Variants in DFFA observed in about 807,000 individuals in gnomAD.
The protein encoded by DFFA is DNA fragmentation factor subunit alpha.
In DFFA, 14 loss-of-function variants were observed where a neutral mutation model predicts 28.0. The ratio of observed to expected loss-of-function variants is 0.50; its 90% CI spans 0.33 to 0.78. The LOEUF is 0.78. Ranked by LOEUF, DFFA falls within the 30% of genes least tolerant of loss-of-function variation. The pLI is 0.02. For missense variants in DFFA, 395 were observed against 407.1 expected (o/e 0.97, Z 0.26); for synonymous variants, 158 against 170.3 (o/e 0.93, Z 0.56).
Position 10,472,056 on chromosome 1 carries a change from A to C in DFFA, c.136+267T>G, listed in dbSNP as rs959195572. The stretch of plus-strand genomic sequence containing the variant: ...TTTGGTCCAACATCGAAGTGATTTC[A>C]GGCAAGAGACCTAAGCCGAGTCTGG... On this transcript the variant is annotated intron_variant, in intron 1 of 5. Coordinates refer to ENST00000377038, the MANE Select transcript of DFFA (RefSeq NM_004401.3). This position sits in a 1 kb window ranked among gnomAD's most constrained non-coding sequence, Gnocchi z 5.0. Among the ~76,000 whole-genome samples, 5 of 152,072 alleles carry C rather than the reference A, an allele frequency of 3.3e-5. No individual in the cohort carries two copies. Among genetic ancestry groups the C allele is most frequent in the Admixed American group, 6.6e-5 (1 of 15,246 alleles).
chr1:10,460,229 AGT>A lies in DFFA; in HGVS notation c.*1259_*1260del, dbSNP rs748227270. 2 of 151,644 alleles carry A rather than the reference AGT, an allele frequency of 1.3e-5. No homozygotes were observed. Among genetic ancestry groups the A allele is most frequent in the African/African-American group, 2.4e-5 (1 of 41,272 alleles). 9.4% of individuals were successfully genotyped at this position (151,644 alleles called of 1,614,324 possible). A position where few individuals can be genotyped will look rare whatever the true frequency, so the allele number is the denominator to read the frequency against. ...CACTGCACTCCAGACTAGGTGACAG[AGT>A]GAGACTCTGTCTCAAAAAAACAAAA... On this transcript the variant is annotated 3_prime_UTR_variant, in exon 6 of 6. Transcript: ENST00000377038.
intron 2 of DFFA, among the ~76,000 whole-genome samples, chr1:10,467,976 G>A (rs1254329915): frequency 6.6e-6 from 1 of 152,138 alleles, no homozygotes; most frequent in Non-Finnish European, 1.5e-5. Flanking sequence ...GGTCATTTGT[G>A]CCAGCATTTC....
At chr1:10,465,418 G>A (rs1041714772) in intron 3 of DFFA, among the ~76,000 whole-genome samples, 5 of 151,714 alleles carry the variant, frequency 3.3e-5, no homozygotes, top group East Asian at 1.9e-4. Context: ...GGTGCTTGCC[G>A]CCACGCCTGG....
Position 10,461,504 on chromosome 1 carries a change from G to A in DFFA, c.982C>T (p.Gln328Ter), listed in dbSNP as rs760010253. ...GDLQNPKRAR[Q>*]DPT is the part of the protein sequence containing the mutation. Reference sequence around the variant, plus strand: ...TCCCGCTGCTGCTATGTGGGATCCTGTCTGGCTCGCTTAGGATTCTGCAGG... The same window carrying A: ...TCCCGCTGCTGCTATGTGGGATCCTATCTGGCTCGCTTAGGATTCTGCAGG... Residue 328 changes from glutamine to a stop codon, truncating the protein, a stop_gained, in exon 6 of 6, where the codon CAG becomes TAG. Transcript: ENST00000377038. LOFTEE classifies it high-confidence loss of function. The A allele has an allele frequency of 1.2e-6, 2 of 1,613,884 alleles. No homozygotes were observed. The highest frequency in any genetic ancestry group is 1.3e-5 in the African/African-American group (1 of 74,934).
rs1403783857 is a variant in DFFA, at chr1:10,459,837, C to CA, written c.*1652_*1653insT. 18 of 152,064 alleles carry CA rather than the reference C, an allele frequency of 1.2e-4. No homozygotes were observed. The Middle Eastern group carries it at 0.014, about 115-fold the overall frequency. The allele number at this position is 152,064 out of a possible 1,614,324, so 9.4% of individuals were successfully genotyped here. A position where few individuals can be genotyped will look rare whatever the true frequency, so the allele number is the denominator to read the frequency against. On this transcript the variant is annotated 3_prime_UTR_variant, in exon 6 of 6. Transcript: ENST00000377038. The stretch of plus-strand genomic sequence containing the variant: ...TCAAGTGATACTCTCGCCTTAGCCT[C>CA]CAGAGTAGCTAGGATTATAGGTCAG...
chr1:10,468,684 T>G (rs1641053167), intron 2 of DFFA, among the ~76,000 whole-genome samples: 1 of 151,794 alleles, frequency 6.6e-6, no homozygotes, highest in Non-Finnish European at 1.5e-5. Flanking sequence ...CAGGCTGCAT[T>G]TCAGTTGCTG....
At chr1:10,465,511 T>C (rs1360216216) in intron 3 of DFFA, among the ~76,000 whole-genome samples, 1 of 151,782 alleles carries the variant, frequency 6.6e-6, no homozygotes, top group Admixed American at 6.6e-5. Flanking sequence ...TGATCCACCC[T>C]CCTCAGCCTC....
Position 10,463,488 on chromosome 1 carries a change from G to T in DFFA, c.574C>A (p.Leu192Met). ...TCCAAAGCCTGGAGGTACAGCTGCAGGAGCTGCTTGGACTGACGCACTTCC... is the reference window on the plus strand; with the variant it reads ...TCCAAAGCCTGGAGGTACAGCTGCATGAGCTGCTTGGACTGACGCACTTCC... ...REEVRQSKQL[L>M]QLYLQALEKE... The change falls in exon 4 of 6, where the codon CTG becomes ATG. Residue 192 changes from leucine to methionine, a missense_variant. Physicochemically the swap from Leu to Met is conservative, Grantham distance 15. Transcript: ENST00000377038. 1 of 1,614,120 alleles carries T rather than the reference G, an allele frequency of 6.2e-7. No homozygotes were observed. The highest frequency in any genetic ancestry group is 1.1e-5 in the South Asian group (1 of 91,082).
chr1:10,456,701 AG>A lies in DFFA; in HGVS notation c.*4788del, dbSNP rs1231349744. ...TTTACCCAGAAATTAAAGGTTGGTAAGTGGTAATTAGCGTAGCTCCTGTCAA... is the reference window on the plus strand; with the variant it reads ...TTTACCCAGAAATTAAAGGTTGGTAATGGTAATTAGCGTAGCTCCTGTCAA... On this transcript the variant is annotated 3_prime_UTR_variant, in exon 6 of 6. Coordinates refer to ENST00000377038, the MANE Select transcript of DFFA (RefSeq NM_004401.3). 2 of 152,298 alleles carry A rather than the reference AG, an allele frequency of 1.3e-5. No individual in the cohort carries two copies. The highest frequency in any genetic ancestry group is 3.9e-4 in the East Asian group (2 of 5,190). 9.4% of individuals were successfully genotyped at this position (152,298 alleles called of 1,614,324 possible). A position where few individuals can be genotyped will look rare whatever the true frequency, so the allele number is the denominator to read the frequency against.
chr1:10,458,046 G>A lies in DFFA; in HGVS notation c.*3444C>T, dbSNP rs1385415979. 3 of 152,050 alleles carry A rather than the reference G, an allele frequency of 2.0e-5. No individual in the cohort carries two copies. The East Asian group carries it at 5.8e-4, about 29-fold the overall frequency. The allele number at this position is 152,050 out of a possible 1,614,324, so 9.4% of individuals were successfully genotyped here. On this transcript the variant is annotated 3_prime_UTR_variant, in exon 6 of 6. Coordinates refer to ENST00000377038, the MANE Select transcript of DFFA (RefSeq NM_004401.3). The stretch of plus-strand genomic sequence containing the variant: ...GTTTTAATGTACCCTGGATTTCCTA[G>A]GAATGTAGCTACTCTGTAAATCAAG...
intron 2 of DFFA, 116 bp from the exon 3 acceptor site, chr1:10,467,448 A>T: frequency 8.8e-7 from 1 of 1,136,636 alleles, no homozygotes; most frequent in Non-Finnish European, 1.3e-6. Flanking sequence ...GGAAAGAAGC[A>T]TCTTATCTCA....
rs774251160 is a variant in DFFA at position 10,463,393 on chromosome 1, T to G, written c.631+38A>C. The stretch of plus-strand genomic sequence containing the variant: ...TCCCAAGGGACGCCTCCATCAGCCC[T>G]GAATTCTCAGAGTGACTCTGCCTGC... On this transcript the variant is annotated intron_variant, in intron 4 of 5. Transcript: ENST00000377038. 7.0e-6 allele frequency: 11 copies of G among 1,582,370 alleles called. No individual in the cohort carries two copies. In the East Asian group the frequency reaches 2.5e-4, roughly 35 times the overall value.
chr1:10,461,795 G>A, intron 5 of DFFA, 93 bp from the exon 6 acceptor site: 2 of 1,545,936 alleles, frequency 1.3e-6, no homozygotes, highest in Admixed American at 2.0e-5. Flanking sequence ...CAATGAGGCA[G>A]TATCCGTTTA....
chr1:10,472,281 G>A lies in DFFA; in HGVS notation c.136+42C>T. The stretch of plus-strand genomic sequence containing the variant: ...CGCCCCCGCCGGACGTCCTCACCCG[G>A]CCCTGGCTCCCCCACACCCTCGCCC... On this transcript the variant is annotated intron_variant, in intron 1 of 5. Coordinates refer to ENST00000377038, the MANE Select transcript of DFFA (RefSeq NM_004401.3). The surrounding 1 kb of genome is among the most constrained non-coding windows in gnomAD (Gnocchi z 5.0). 1 of 1,530,834 alleles carries A rather than the reference G, an allele frequency of 6.5e-7. No homozygotes were observed. Among genetic ancestry groups the A allele is most frequent in the Non-Finnish European group, 8.8e-7 (1 of 1,133,170 alleles). The allele number at this position is 1,530,834 out of a possible 1,614,324, so 94.8% of individuals were successfully genotyped here.
intron 1 of DFFA, 23 bp from the exon 2 acceptor site, chr1:10,469,361 C>T: frequency 1.2e-6 from 2 of 1,610,674 alleles, no homozygotes; most frequent in Non-Finnish European, 1.7e-6. Context: ...AAATATTTGG[C>T]AAATGACAAA....
Position 10,459,727 on chromosome 1 carries a change from TTTA to T in DFFA, c.*1760_*1762del, listed in dbSNP as rs1449541833. The T allele has an allele frequency of 6.7e-6, 1 of 149,398 alleles. No homozygotes were observed. Among genetic ancestry groups the T allele is most frequent in the Non-Finnish European group, 1.5e-5 (1 of 67,728 alleles). The allele number at this position is 149,398 out of a possible 1,614,324, so 9.3% of individuals were successfully genotyped here. On this transcript the variant is annotated 3_prime_UTR_variant, in exon 6 of 6. Transcript: ENST00000377038. ...TTTCATTGCCCTTGATGGTTACCTT[TTTA>T]AAAAAAAAAAAAAAAAAGTAGGGTC...
chr1:10,472,517 C>G lies in DFFA; in HGVS notation c.-59G>C. The G allele has an allele frequency of 6.5e-7, 1 of 1,534,076 alleles. No homozygotes were observed. Among genetic ancestry groups the G allele is most frequent in the Non-Finnish European group, 8.8e-7 (1 of 1,132,574 alleles). ...AGTCGCGGGAGGCCGGAGCGGCGGT[C>G]CTTCTACTCGACCCCCTTCCGCAGC... On this transcript the variant is annotated 5_prime_UTR_variant, in exon 1 of 6. Coordinates refer to ENST00000377038, the MANE Select transcript of DFFA (RefSeq NM_004401.3). The surrounding 1 kb of genome is among the most constrained non-coding windows in gnomAD (Gnocchi z 5.0).
intron 5 of DFFA, chr1:10,461,973 G>A (rs1483386447): frequency 1.8e-6 from 1 of 553,766 alleles, no homozygotes; most frequent in African/African-American, 2.0e-5. Context: ...TCCTGCCTCA[G>A]CCCCCTGAGT....
intron 2 of DFFA, among the ~76,000 whole-genome samples, chr1:10,468,827 C>T (rs1399412328): frequency 2.0e-5 from 3 of 152,028 alleles, no homozygotes; most frequent in Non-Finnish European, 4.4e-5. Context: ...CAACCTCCAC[C>T]TCCCAGGTTC....
Sources: gnomAD v4.1 joint callset for allele counts (sites outside exome capture counted in the v4.1 genomes callset) on GRCh38, gnomAD v4.1.1 for gene constraint, Gnocchi (gnomAD v3.1) non-coding constraint, MANE v1.5 for transcripts, NCBI Gene and HGNC (gene_info 2026-07-23, HGNC 2026-07-21) for gene names.